EDEM3: variants seen among roughly 807,000 people sequenced by gnomAD.
The protein encoded by EDEM3 is ER degradation enhancing alpha-mannosidase like protein 3.
Under a neutral mutation model 110.2 loss-of-function variants are expected in EDEM3, and 60 were observed. The observed-to-expected ratio is 0.54, with a 90% confidence interval of 0.44 to 0.67. The LOEUF is 0.67. Ranked by LOEUF, EDEM3 falls within the 30% of genes least tolerant of loss-of-function variation. The pLI is 0.00. For missense variants in EDEM3, 996 were observed against 1,121.0 expected, an observed-to-expected ratio of 0.89 and a Z score of 1.59; for synonymous variants, 352 against 382.9, an observed-to-expected ratio of 0.92 and a Z score of 0.94.
Position 184,702,891 on chromosome 1 carries a change from T to C in EDEM3, c.2309A>G (p.Lys770Arg), listed in dbSNP as rs759927115. 3.1e-6 allele frequency: 5 copies of C among 1,613,674 alleles called. No individual in the cohort carries two copies. The South Asian group carries it at 5.5e-5, about 18-fold the overall frequency. ...IKIPMLFLFS[K>R]EGSIILDAIR... is the part of the protein sequence containing the mutation. ...GGCATCCAGTATGATACTTCCTTCT[T>C]TGCTGAATAAGAACAGCATGGGGAT... Residue 770 changes from lysine to arginine, a missense_variant, in exon 19 of 20, where the codon AAA becomes AGA. Around this residue, in one of 5 missense-constraint regions of EDEM3, gnomAD observed 345 missense variants for 402.0 expected, o/e 0.86. Coordinates refer to ENST00000318130, the MANE Select transcript of EDEM3 (RefSeq NM_025191.4).
At chr1:184,737,491 C>T in intron 3 of EDEM3, 120 bp downstream of exon 3, 1 of 798,510 alleles carries the variant, frequency 1.3e-6, no homozygotes. Context: ...TAATGTAATA[C>T]ATAAAACAGT....
intron 9 of EDEM3, among the ~76,000 whole-genome samples, chr1:184,719,793 T>C (rs1650778982): frequency 6.6e-6 from 1 of 152,266 alleles, no homozygotes; most frequent in Non-Finnish European, 1.5e-5. Context: ...TTAAAGACTA[T>C]CTGTAATATA....
Position 184,723,760 on chromosome 1 carries a change from C to T in EDEM3, c.844G>A (p.Val282Ile), listed in dbSNP as rs1435798313. The T allele has an allele frequency of 5.6e-6, 9 of 1,596,410 alleles. No homozygotes were observed. The highest frequency in any genetic ancestry group is 2.3e-5 in the South Asian group (2 of 86,630). ...AGCCTAACTTACATACCTTTTCGTA[C>T]CCAATCTCCAGTATGAATATTTATA... ...VTINIHTGDW[V>I]RKDSGVGAGI... Residue 282 changes from valine to isoleucine, a missense_variant, in exon 8 of 20, where the codon GTA (valine) becomes ATA (isoleucine). By Grantham distance (29) the Val-to-Ile change is conservative. Transcript: ENST00000318130.
Position 184,711,757 on chromosome 1 carries a change from C to G in EDEM3, c.1657G>C (p.Val553Leu). ...ATGCCTCTAGGACAGCTCTTATCCA[C>G]CACATTTTTCAAGGGCTCACGAATA... ...QSIREPLKNV[V>L]DKSCPRGIIR... is the part of the protein sequence containing the mutation. The change falls in exon 15 of 20, where the codon GTG (valine) becomes CTG (leucine). Residue 553 changes from valine (V) to leucine (L), a missense_variant. Val to Leu is a conservative substitution (Grantham distance 32). Transcript: ENST00000318130. The G allele has an allele frequency of 6.2e-7, 1 of 1,612,932 alleles. No individual in the cohort carries two copies. The highest frequency in any genetic ancestry group is 1.1e-5 in the South Asian group (1 of 90,912).
rs1347111577 is a variant in EDEM3, at chr1:184,729,658, TG to T, written c.612+3178del. Among the ~76,000 whole-genome samples the T allele has an allele frequency of 2.0e-5, 3 of 152,218 alleles. No homozygotes were observed. In the East Asian group the frequency reaches 5.8e-4, roughly 29 times the overall value. ...GAGAGACTGATTACACAAATTTTCA[TG>T]GGCAAAAGCATACTAAGCATGTATA... On this transcript the variant is annotated intron_variant, in intron 6 of 19. Coordinates refer to ENST00000318130, the MANE Select transcript of EDEM3 (RefSeq NM_025191.4).
At chr1:184,730,984 A>T (rs1172952544) in intron 6 of EDEM3, among the ~76,000 whole-genome samples, 1 of 152,200 alleles carries the variant, frequency 6.6e-6, no homozygotes, top group East Asian at 1.9e-4. Flanking sequence ...CTGCCAAACT[A>T]CAAAAAATGC....
intron 13 of EDEM3, among the ~76,000 whole-genome samples, chr1:184,713,009 G>A (rs1385919801): frequency 6.6e-6 from 1 of 152,186 alleles, no homozygotes; most frequent in African/African-American, 2.4e-5. Context: ...AATTTATTAT[G>A]TAGCTATTTA....
chr1:184,702,009 A>G (rs1264234168), intron 19 of EDEM3, among the ~76,000 whole-genome samples: 2 of 152,052 alleles, frequency 1.3e-5, no homozygotes, highest in Non-Finnish European at 2.9e-5. Flanking sequence ...ATGCAACTTC[A>G]TCTATTTAAG....
chr1:184,706,303 G>A (rs530113767), intron 18 of EDEM3, among the ~76,000 whole-genome samples: 51 of 152,240 alleles, frequency 3.3e-4, no homozygotes, highest in African/African-American at 1.2e-3. Flanking sequence ...CCCACTGGAC[G>A]TGGCACAGTG....
At chr1:184,752,768 G>A (rs1652835816) in intron 1 of EDEM3, among the ~76,000 whole-genome samples, 1 of 152,186 alleles carries the variant, frequency 6.6e-6, no homozygotes, top group African/African-American at 2.4e-5. Flanking sequence ...GAGAGAGCCT[G>A]GCTCTGGGAT....
chr1:184,706,164 T>C (rs1649913626), intron 18 of EDEM3, among the ~76,000 whole-genome samples: 1 of 152,162 alleles, frequency 6.6e-6, no homozygotes, highest in Non-Finnish European at 1.5e-5. Flanking sequence ...CTATTTAATC[T>C]ACAGATTAAA....
At chr1:184,721,730 G>A (rs2102090272) in intron 8 of EDEM3, among the ~76,000 whole-genome samples, 1 of 151,610 alleles carries the variant, frequency 6.6e-6, no homozygotes, top group African/African-American at 2.4e-5. Context: ...AAGAACCAAA[G>A]TCAAGAAAAA....
chr1:184,719,897 T>C (rs1310740342), intron 9 of EDEM3, among the ~76,000 whole-genome samples: 1 of 152,202 alleles, frequency 6.6e-6, no homozygotes, highest in Non-Finnish European at 1.5e-5. Context: ...TGCTCATAGG[T>C]CCCCTTGTAA....
intron 1 of EDEM3, among the ~76,000 whole-genome samples, chr1:184,751,906 A>G (rs1652789912): frequency 6.6e-6 from 1 of 152,160 alleles, no homozygotes. Context: ...GGCATGCGCC[A>G]CCACACCTGG....
intron 11 of EDEM3, among the ~76,000 whole-genome samples, chr1:184,718,248 AT>A (rs1290322428): frequency 1.2e-4 from 19 of 152,234 alleles, no homozygotes; most frequent in Admixed American, 1.0e-3. Context: ...TTATTTAGAA[AT>A]AAATAAAATT....
chr1:184,753,101 G>A (rs1295709065), intron 1 of EDEM3, among the ~76,000 whole-genome samples: 1 of 151,946 alleles, frequency 6.6e-6, no homozygotes, highest in African/African-American at 2.4e-5. Flanking sequence ...AAGACTCTTT[G>A]CAATGATTTA....
intron 6 of EDEM3, among the ~76,000 whole-genome samples, chr1:184,732,631 T>C (rs918967797): frequency 2.0e-5 from 3 of 152,198 alleles, no homozygotes; most frequent in Non-Finnish European, 4.4e-5. Flanking sequence ...AATAAAACTT[T>C]TTTAAAGCTT....
chr1:184,721,135 C>A, intron 9 of EDEM3, 154 bp downstream of exon 9: 1 of 601,902 alleles, frequency 1.7e-6, no homozygotes, highest in Non-Finnish European at 2.8e-6. Flanking sequence ...TCACTTTTTA[C>A]GCTGTCCCTG....
rs571868792 is a variant in EDEM3, at chr1:184,693,788, A to C, written c.*275T>G. ...AATCTGGTTCGCAGGAATGCTCAGT[A>C]ATCTTTCCCTGGCCTGAGGTGTTGC... On this transcript the variant is annotated 3_prime_UTR_variant, in exon 20 of 20. Coordinates refer to ENST00000318130, the MANE Select transcript of EDEM3 (RefSeq NM_025191.4). 3 of 314,394 alleles carry C rather than the reference A, an allele frequency of 9.5e-6. No homozygotes were observed. The allele number at this position is 314,394 out of a possible 1,614,324, so 19.5% of individuals were successfully genotyped here.
Sources: gnomAD v4.1 joint callset for allele counts (sites outside exome capture counted in the v4.1 genomes callset) on GRCh38, gnomAD v4.1.1 for gene constraint, gnomAD v4.1.1 regional missense constraint, MANE v1.5 for transcripts, NCBI Gene and HGNC (gene_info 2026-07-23, HGNC 2026-07-21) for gene names.